The following MSH3 variants were observed in gnomAD, a reference collection of about 807,000 sequenced individuals.
MSH3 encodes mutS homolog 3.
MSH3 carries 106 observed loss-of-function variants against 123.3 expected under a neutral mutation model. The observed-to-expected ratio is 0.86, with a 90% CI of 0.73 to 1.01. The LOEUF (loss-of-function observed/expected upper bound fraction) is 1.01. Ranked by LOEUF, MSH3 falls within the 50% of genes least tolerant of loss-of-function variation. The pLI is 0.00. For synonymous variants in MSH3, 515 were observed against 481.4 expected, an observed-to-expected ratio of 1.07 and a Z score of -0.91; for missense variants, 1,459 against 1,347.6, an observed-to-expected ratio of 1.08 and a Z score of -1.29.
At chr5:80,802,673 G>A (rs985515664) in intron 19 of MSH3, among the ~76,000 whole-genome samples, 1 of 151,824 alleles carries the variant, frequency 6.6e-6, no homozygotes. Flanking sequence ...CTTATTCATT[G>A]TATGTAACTA....
intron 3 of MSH3, 70 bp from the exon 4 acceptor site, chr5:80,670,027 A>G: frequency 1.4e-6 from 2 of 1,462,032 alleles, no homozygotes; most frequent in Non-Finnish European, 1.9e-6. Flanking sequence ...CCAGATTTGC[A>G]TTTTCCGTCT....
At chr5:80,872,617 G>A (rs1746237484) in intron 22 of MSH3, among the ~76,000 whole-genome samples, 1 of 152,182 alleles carries the variant, frequency 6.6e-6, no homozygotes, top group African/African-American at 2.4e-5. Flanking sequence ...ACCAGCCTGA[G>A]CAACATAGCA....
chr5:80,823,618 T>TA (rs1745237753), intron 20 of MSH3, among the ~76,000 whole-genome samples: 1 of 74,398 alleles, frequency 1.3e-5, no homozygotes, highest in African/African-American at 5.0e-5. Context: ...CAGTGCACAT[T>TA]AAATTTTTTT....
intron 17 of MSH3, among the ~76,000 whole-genome samples, chr5:80,784,189 G>A (rs1181249624): frequency 1.8e-5 from 2 of 110,962 alleles, no homozygotes; most frequent in Non-Finnish European, 3.4e-5. Flanking sequence ...CAGCCTCGGC[G>A]AAAGAGCGAG....
intron 20 of MSH3, among the ~76,000 whole-genome samples, chr5:80,832,334 A>G (rs1745434105): frequency 6.6e-6 from 1 of 152,022 alleles, no homozygotes; most frequent in Non-Finnish European, 1.5e-5. Context: ...AGTTCTGCAA[A>G]TGGAGGCCTG....
At chr5:80,836,727 A>G (rs1561494174) in intron 20 of MSH3, among the ~76,000 whole-genome samples, 1 of 147,998 alleles carries the variant, frequency 6.8e-6, no homozygotes, top group African/African-American at 2.7e-5. Flanking sequence ...GGTTACTTAG[A>G]ATACCTAGTG....
chr5:80,779,706 A>G (rs1490482925), intron 17 of MSH3, among the ~76,000 whole-genome samples: 1 of 150,764 alleles, frequency 6.6e-6, no homozygotes, highest in Non-Finnish European at 1.5e-5. Context: ...CTACAGGCGC[A>G]CACCGCCACG....
chr5:80,670,012 T>C, intron 3 of MSH3, 85 bp from the exon 4 acceptor site: 3 of 1,290,578 alleles, frequency 2.3e-6, no homozygotes, highest in Non-Finnish European at 3.3e-6. Flanking sequence ...AGTGTTAGCT[T>C]TTTGCCAGAT....
chr5:80,860,445 T>TG (rs995139621), intron 21 of MSH3, among the ~76,000 whole-genome samples: 6 of 149,562 alleles, frequency 4.0e-5, no homozygotes, highest in South Asian at 2.1e-4. Flanking sequence ...GGTTTGTTGT[T>TG]TTTTTTTTTT....
intron 22 of MSH3, among the ~76,000 whole-genome samples, chr5:80,866,891 T>C (rs960666802): frequency 2.6e-5 from 4 of 152,242 alleles, no homozygotes; most frequent in Non-Finnish European, 5.9e-5. Flanking sequence ...GTTTTGTTTT[T>C]GAGTCTATAG....
intron 12 of MSH3, among the ~76,000 whole-genome samples, chr5:80,748,691 TACACACACACACACACAC>T (rs36206914): frequency 1.3e-4 from 19 of 147,468 alleles, no homozygotes; most frequent in Admixed American, 5.4e-4. Flanking sequence ...ATTTTTTATT[TACACACACACACACACAC>T]ACACACACAC....
intron 4 of MSH3, 38 bp downstream of exon 4, chr5:80,670,347 T>G (rs1172093670): frequency 3.8e-6 from 6 of 1,581,338 alleles, no homozygotes; most frequent in African/African-American, 2.7e-5. Context: ...ATATTTTTCT[T>G]GTCTAGCCTT....
chr5:80,705,761 C>T (rs1412178642), intron 8 of MSH3, among the ~76,000 whole-genome samples: 3 of 152,188 alleles, frequency 2.0e-5, no homozygotes, highest in Non-Finnish European at 2.9e-5. Context: ...CTCCTTCTTA[C>T]GTCTCTTCAT....
chr5:80,859,712 C>CTT (rs373044585), intron 21 of MSH3, among the ~76,000 whole-genome samples: 297 of 130,128 alleles, frequency 2.3e-3, no homozygotes, highest in African/African-American at 5.4e-3. Flanking sequence ...CATTTTCTCT[C>CTT]TTTTTTTTTT....
At chr5:80,738,792 T>C (rs1396324918) in intron 10 of MSH3, among the ~76,000 whole-genome samples, 1 of 152,232 alleles carries the variant, frequency 6.6e-6, no homozygotes, top group Non-Finnish European at 1.5e-5. Flanking sequence ...TGAAACCTAA[T>C]GACTACTGTG....
intron 21 of MSH3, among the ~76,000 whole-genome samples, chr5:80,856,041 A>G (rs896467171): frequency 2.0e-5 from 3 of 151,606 alleles, no homozygotes; most frequent in Non-Finnish European, 2.9e-5. Context: ...CACACCAACC[A>G]TACCCAGCTA....
intron 20 of MSH3, among the ~76,000 whole-genome samples, chr5:80,825,344 C>G (rs1273508808): frequency 1.3e-5 from 2 of 152,164 alleles, no homozygotes; most frequent in Non-Finnish European, 2.9e-5. Context: ...TTAAACTTTA[C>G]ACACAGTGTA....
chr5:80,760,338 A>G (rs1383615510), intron 12 of MSH3, among the ~76,000 whole-genome samples: 2 of 152,188 alleles, frequency 1.3e-5, no homozygotes, highest in African/African-American at 2.4e-5. Context: ...TTTGATGTTT[A>G]TAGGTACTTC....
At chr5:80,695,365 T>G (rs1030211997) in intron 8 of MSH3, among the ~76,000 whole-genome samples, 2 of 152,074 alleles carry the variant, frequency 1.3e-5, no homozygotes, top group African/African-American at 2.4e-5. Flanking sequence ...GACAGAGTTT[T>G]GCTTTTGTGC....
Sources: gnomAD v4.1 joint callset for allele counts (sites outside exome capture counted in the v4.1 genomes callset) on GRCh38, gnomAD v4.1.1 for gene constraint, MANE v1.5 for transcripts, NCBI Gene and HGNC (gene_info 2026-07-23, HGNC 2026-07-21) for gene names.